The following CTDSPL variants were observed in gnomAD, a reference collection of about 807,000 sequenced individuals.
CTDSPL encodes the protein CTD small phosphatase-like protein.
In CTDSPL, 8 loss-of-function variants were observed where a neutral mutation model predicts 30.5. The ratio of observed to expected loss-of-function variants is 0.26; its 90% CI spans 0.15 to 0.47. The LOEUF (loss-of-function observed/expected upper bound fraction) is 0.47. CTDSPL is among the 20% of genes least tolerant of loss of function. CTDSPL has a pLI of 0.99. For synonymous variants in CTDSPL, 110 were observed against 137.9 expected, an observed-to-expected ratio of 0.80 and a Z score of 1.42; for missense variants, 248 against 366.1, an observed-to-expected ratio of 0.68 and a Z score of 2.63.
chr3:37,934,175 A>T (rs1046476647), intron 1 of CTDSPL, among the ~76,000 whole-genome samples: 2 of 152,212 alleles, frequency 1.3e-5, no homozygotes, highest in South Asian at 4.2e-4. Flanking sequence ...AAAATTCAAA[A>T]TATTAGCCAG....
intron 1 of CTDSPL, among the ~76,000 whole-genome samples, chr3:37,894,044 A>G (rs1360613877): frequency 6.6e-6 from 1 of 152,172 alleles, no homozygotes; most frequent in Non-Finnish European, 1.5e-5. Flanking sequence ...TTCATACTTG[A>G]AGGATATTTT....
chr3:37,875,160 CT>C (rs1698121980), intron 1 of CTDSPL, among the ~76,000 whole-genome samples: 1 of 152,080 alleles, frequency 6.6e-6, no homozygotes, highest in South Asian at 2.1e-4. Context: ...GTTTGTAGCA[CT>C]GGGTTGGGAT....
At chr3:37,906,026 T>C (rs1287653568) in intron 1 of CTDSPL, among the ~76,000 whole-genome samples, 1 of 152,162 alleles carries the variant, frequency 6.6e-6, no homozygotes, top group Non-Finnish European at 1.5e-5. Flanking sequence ...AGAGGCGCAG[T>C]ACCTTTCAAG....
At position 37,935,780 on chromosome 3, in the gene CTDSPL, G is replaced by A. The variant is rs190714733; in HGVS notation, c.80-11277G>A. Among the ~76,000 whole-genome samples, 623 of 152,268 alleles carry A rather than the reference G, an allele frequency of 4.1e-3. 4 individuals are homozygous for A. The highest frequency in any genetic ancestry group is 5.9e-3 in the Non-Finnish European group (401 of 68,020). ...TGAAGGCAGGCAGCATTGGGCCTCA[G>A]ATTCAGAGTTTCTCTATGGAAATTA... On this transcript the variant is annotated intron_variant, in intron 1 of 7. Coordinates refer to ENST00000273179, the MANE Select transcript of CTDSPL (RefSeq NM_001008392.2).
intron 1 of CTDSPL, among the ~76,000 whole-genome samples, chr3:37,920,073 G>A (rs941340021): frequency 5.3e-5 from 8 of 150,342 alleles, no homozygotes; most frequent in African/African-American, 2.0e-4. Flanking sequence ...AGTTCTAGAG[G>A]GTGGAAATAA....
At chr3:37,917,120 T>C (rs1467165103) in intron 1 of CTDSPL, among the ~76,000 whole-genome samples, 1 of 152,238 alleles carries the variant, frequency 6.6e-6, no homozygotes, top group African/African-American at 2.4e-5. Context: ...AGTACACATA[T>C]TCGTCTGTTC....
intron 1 of CTDSPL, among the ~76,000 whole-genome samples, chr3:37,946,794 GCCCCTGCT>G (rs1034254883): frequency 6.6e-6 from 1 of 152,166 alleles, no homozygotes; most frequent in Non-Finnish European, 1.5e-5. Context: ...TAAGCAGGCA[GCCCCTGCT>G]GGGCTGAGGT....
At chr3:37,979,057 A>T (rs1699460038) in intron 7 of CTDSPL, among the ~76,000 whole-genome samples, 1 of 152,158 alleles carries the variant, frequency 6.6e-6, no homozygotes, top group African/African-American at 2.4e-5. Context: ...TCTGTAGTGT[A>T]TGTTTAATAA....
chr3:37,890,249 C>G (rs1032444234), intron 1 of CTDSPL, among the ~76,000 whole-genome samples: 3 of 152,092 alleles, frequency 2.0e-5, no homozygotes, highest in Admixed American at 6.5e-5. Context: ...AATATAGATG[C>G]ATAGAATATT....
rs146430861 is a variant in CTDSPL, at chr3:37,977,493, G to A, written c.705+1599G>A. 4.9e-3 allele frequency among the ~76,000 whole-genome samples: 744 copies of A among 152,078 alleles called. 7 individuals carry two copies. Among genetic ancestry groups the A allele is most frequent in the Middle Eastern group, 0.017 (5 of 290 alleles). ...TCTGGATTTGTCCAGCTGCTGTCTTGTGATGATGTTTAATATGTTCTTATA... is the reference window on the plus strand; with the variant it reads ...TCTGGATTTGTCCAGCTGCTGTCTTATGATGATGTTTAATATGTTCTTATA... On this transcript the variant is annotated intron_variant, in intron 7 of 7. Transcript: ENST00000273179.
intron 1 of CTDSPL, among the ~76,000 whole-genome samples, chr3:37,889,942 C>A (rs964854687): frequency 6.6e-6 from 1 of 152,184 alleles, no homozygotes; most frequent in Non-Finnish European, 1.5e-5. Context: ...ATTTAAAAAT[C>A]TGCAAGGACT....
intron 1 of CTDSPL, among the ~76,000 whole-genome samples, chr3:37,890,004 C>T (rs1438545332): frequency 6.6e-6 from 1 of 152,134 alleles, no homozygotes; most frequent in Non-Finnish European, 1.5e-5. Flanking sequence ...AGAATAAGTA[C>T]TTCATCAAAA....
At position 37,964,032 on chromosome 3, in the gene CTDSPL, TAAAAAAAAAAAAAA is replaced by T. The variant is rs58061973; in HGVS notation, c.268-515_268-502del. Among the ~76,000 whole-genome samples, 54 of 22,988 alleles carry T rather than the reference TAAAAAAAAAAAAAA, an allele frequency of 2.3e-3. 1 individual carries two copies. Among genetic ancestry groups the T allele is most frequent in the Middle Eastern group, 0.026 (1 of 38 alleles). The allele number at this position is 22,988 out of a possible 152,430, so 15.1% of individuals were successfully genotyped here. On this transcript the variant is annotated intron_variant, in intron 3 of 7. Coordinates refer to ENST00000273179, the MANE Select transcript of CTDSPL (RefSeq NM_001008392.2). ...CAAGTTTTTTAAAAATCTCAGTCAC[TAAAAAAAAAAAAAA>T]AAAAAAAAAAAAAAAAAAAAAAATC...
chr3:37,864,745 T>G (rs987636462), intron 1 of CTDSPL, among the ~76,000 whole-genome samples: 8 of 151,954 alleles, frequency 5.3e-5, no homozygotes, highest in Admixed American at 2.0e-4. Context: ...TTTACATAAT[T>G]TTACATTATG....
chr3:37,929,054 G>T (rs1698819019), intron 1 of CTDSPL, among the ~76,000 whole-genome samples: 1 of 152,160 alleles, frequency 6.6e-6, no homozygotes, highest in African/African-American at 2.4e-5. Context: ...CCATTGTGCA[G>T]TCTTGGCATC....
rs1385894726 is a variant in CTDSPL, at chr3:37,940,120, G to A, written c.80-6937G>A. Among the ~76,000 whole-genome samples the A allele has an allele frequency of 4.0e-5, 6 of 149,816 alleles. 1 individual carries two copies. The highest frequency in any genetic ancestry group is 9.0e-5 in the Non-Finnish European group (6 of 66,912). Reference sequence around the variant, plus strand: ...AAAAAAAGCTATTTCTATACCCCTCGCTACTCATAGTCCCCAGTCTGGGCT... The same window carrying A: ...AAAAAAAGCTATTTCTATACCCCTCACTACTCATAGTCCCCAGTCTGGGCT... On this transcript the variant is annotated intron_variant, in intron 1 of 7. Transcript: ENST00000273179.
At chr3:37,913,758 G>T (rs766508420) in intron 1 of CTDSPL, among the ~76,000 whole-genome samples, 1 of 152,196 alleles carries the variant, frequency 6.6e-6, no homozygotes, top group African/African-American at 2.4e-5. Flanking sequence ...ACCTACCAGC[G>T]TTGGTTTCCG....
At chr3:37,912,382 T>C (rs1258689388) in intron 1 of CTDSPL, among the ~76,000 whole-genome samples, 2 of 152,248 alleles carry the variant, frequency 1.3e-5, no homozygotes, top group African/African-American at 4.8e-5. Flanking sequence ...CTTTTCTTTA[T>C]AGGCCATTTT....
chr3:37,901,846 G>C (rs1296362561), intron 1 of CTDSPL, among the ~76,000 whole-genome samples: 1 of 152,154 alleles, frequency 6.6e-6, no homozygotes, highest in Non-Finnish European at 1.5e-5. Flanking sequence ...TAAATATGTA[G>C]GTAGTTATCT....
Sources: gnomAD v4.1 joint callset for allele counts (sites outside exome capture counted in the v4.1 genomes callset) on GRCh38, gnomAD v4.1.1 for gene constraint, MANE v1.5 for transcripts, NCBI Gene and HGNC (gene_info 2026-07-23, HGNC 2026-07-21) for gene names.